Variants in ZNF532 observed in about 807,000 individuals in gnomAD.
The protein encoded by ZNF532 is zinc finger protein 532.
ZNF532 carries 22 observed loss-of-function variants against 89.3 expected under a neutral mutation model. The observed-to-expected ratio is 0.25, with a 90% CI of 0.18 to 0.35. The LOEUF (loss-of-function observed/expected upper bound fraction) is 0.35. ZNF532 is among the 10% of genes least tolerant of loss of function. The pLI, the probability that ZNF532 is intolerant of heterozygous loss-of-function variation, is 1.00. For missense variants in ZNF532, 1,132 were observed against 1,643.4 expected (o/e 0.69, Z 5.38); for synonymous variants, 606 against 649.6 (o/e 0.93, Z 1.02).
chr18:58,926,770 G>A (rs2061561663), intron 3 of ZNF532, among the ~76,000 whole-genome samples: 2 of 152,032 alleles, frequency 1.3e-5, no homozygotes, highest in South Asian at 2.1e-4. Context: ...TATATTTTTT[G>A]TGTATCCTTT....
intron 5 of ZNF532, among the ~76,000 whole-genome samples, chr18:58,943,745 G>A (rs190708329): frequency 6.6e-6 from 1 of 152,312 alleles, no homozygotes; most frequent in East Asian, 1.9e-4. Flanking sequence ...ATAGGTGTGA[G>A]CCACCATGCC....
intron 3 of ZNF532, among the ~76,000 whole-genome samples, chr18:58,922,640 C>G (rs968278185): frequency 6.6e-6 from 1 of 152,194 alleles, no homozygotes; most frequent in African/African-American, 2.4e-5. Flanking sequence ...TCTTTTCATC[C>G]TAACAGGATG....
chr18:58,879,377 A>T (rs1219364785), intron 2 of ZNF532, among the ~76,000 whole-genome samples: 1 of 152,196 alleles, frequency 6.6e-6, no homozygotes, highest in African/African-American at 2.4e-5. Context: ...TGGCGGCAAA[A>T]AGACAATGCA....
intron 2 of ZNF532, among the ~76,000 whole-genome samples, chr18:58,903,931 A>G (rs2145719720): frequency 6.6e-6 from 1 of 152,366 alleles, no homozygotes; most frequent in South Asian, 2.1e-4. Context: ...GATTTAAGAA[A>G]TTTAAGAAAA....
At chr18:58,877,062 G>GA (rs917058842) in intron 2 of ZNF532, among the ~76,000 whole-genome samples, 44 of 144,340 alleles carry the variant, frequency 3.0e-4, no homozygotes, top group East Asian at 8.0e-4. Flanking sequence ...CTTGTCTCGA[G>GA]AAAAAAAAAA....
rs1231272170 is a variant in ZNF532, at chr18:58,920,213, C to T, written c.1926C>T (p.Ile642=). Residue 642 remains isoleucine (I), a synonymous_variant, in exon 3 of 10, where the codon ATC becomes ATT. Coordinates refer to ENST00000591808, the MANE Select transcript of ZNF532 (RefSeq NM_001375912.1). ...TQHYDRRSVR[I]EVTCNHCTKN... is the part of the protein sequence containing the mutation. ...ACTACGACAGACGGAGCGTGCGCAT[C>T]GAAGTAACGTGCAACCATTGTACAA... 1.1e-5 allele frequency: 17 copies of T among 1,613,544 alleles called. No individual in the cohort carries two copies. The highest frequency in any genetic ancestry group is 1.0e-5 in the Non-Finnish European group (12 of 1,179,610).
chr18:58,916,876 T>A (rs868564632), intron 2 of ZNF532: 15 of 436,004 alleles, frequency 3.4e-5, no homozygotes, highest in Middle Eastern at 2.2e-3. Flanking sequence ...TTTTCTAGAT[T>A]GTACAAGAAA....
intron 6 of ZNF532, among the ~76,000 whole-genome samples, chr18:58,952,224 G>C (rs962447672): frequency 6.6e-6 from 1 of 152,172 alleles, no homozygotes; most frequent in Non-Finnish European, 1.5e-5. Context: ...AGGGGAACTC[G>C]GATGTGTGAA....
chr18:58,976,104 A>C (rs1282377723), intron 7 of ZNF532, among the ~76,000 whole-genome samples: 1 of 152,226 alleles, frequency 6.6e-6, no homozygotes, highest in Non-Finnish European at 1.5e-5. Flanking sequence ...AGAGGAAGAA[A>C]GTTGTCTGTT....
At chr18:58,931,492 A>G (rs1045560690) in intron 3 of ZNF532, among the ~76,000 whole-genome samples, 3 of 152,278 alleles carry the variant, frequency 2.0e-5, no homozygotes, top group South Asian at 2.1e-4. Flanking sequence ...CATGGGAAAC[A>G]GGGGATGACA....
intron 2 of ZNF532, among the ~76,000 whole-genome samples, chr18:58,885,092 G>A (rs528674146): frequency 6.6e-5 from 10 of 151,622 alleles, no homozygotes; most frequent in African/African-American, 1.7e-4. Flanking sequence ...GGGTTCAAGC[G>A]ATTCTCTTGC....
At chr18:58,863,395 GGCCGCGGGGCTTCGCGCTGCC>G (rs1423927901), upstream of ZNF532, 2 of 142,900 alleles carry the variant, frequency 1.4e-5, no homozygotes, top group East Asian at 4.3e-4. Flanking sequence ...GGCGCCCGCC[GGCCGCGGGGCTTCGCGCTGCC>G]GCCGCCCGGT....
intron 7 of ZNF532, among the ~76,000 whole-genome samples, chr18:58,967,873 AGTG>A (rs991243803): frequency 5.9e-5 from 9 of 152,116 alleles, no homozygotes; most frequent in African/African-American, 2.2e-4. Context: ...GCCGAAAGGG[AGTG>A]GTTCAGTGCA....
upstream of ZNF532, chr18:58,863,595 C>G (rs892566796): frequency 1.1e-4 from 1 of 9,150 alleles, no homozygotes; most frequent in African/African-American, 9.4e-4. Context: ...GCAGATGACA[C>G]GCCCGTAACA....
intron 2 of ZNF532, among the ~76,000 whole-genome samples, chr18:58,917,675 T>G (rs1302927169): frequency 1.6e-4 from 25 of 151,570 alleles, no homozygotes; most frequent in Non-Finnish European, 4.4e-5. Context: ...TAGGGTTAAA[T>G]AAAAATGGAC....
intron 7 of ZNF532, among the ~76,000 whole-genome samples, chr18:58,971,557 C>G (rs968099706): frequency 6.6e-6 from 1 of 152,126 alleles, no homozygotes; most frequent in Non-Finnish European, 1.5e-5. Flanking sequence ...GCAACAGAAA[C>G]CTTATGGTTT....
intron 2 of ZNF532, among the ~76,000 whole-genome samples, chr18:58,901,358 T>C (rs760465326): frequency 1.2e-4 from 18 of 152,220 alleles, no homozygotes; most frequent in Non-Finnish European, 2.2e-4. Context: ...AAAGTGGGAT[T>C]ACAGGCGTGA....
At chr18:58,882,959 T>G (rs1363656492) in intron 2 of ZNF532, among the ~76,000 whole-genome samples, 2 of 152,202 alleles carry the variant, frequency 1.3e-5, no homozygotes, top group Non-Finnish European at 2.9e-5. Flanking sequence ...ATCTAACATT[T>G]CTCAAATTCC....
At position 58,934,589 on chromosome 18, in the gene ZNF532, C is replaced by T. The variant is rs763662548; in HGVS notation, c.2503C>T (p.His835Tyr). Reference protein sequence around the residue: ...FQTHVTKNCLHYTRRVGFRCV... With the variant: ...FQTHVTKNCLYYTRRVGFRCV... ...GACCCACGTCACCAAGAACTGTCTG[C>T]ACTACACGAGGAGAGTTGGTTTTCG... The change falls in exon 4 of 10, where the codon CAC becomes TAC. Residue 835 changes from histidine to tyrosine, a missense_variant. His to Tyr is a moderately conservative substitution (Grantham distance 83). Transcript: ENST00000591808. The T allele has an allele frequency of 1.2e-6, 2 of 1,614,000 alleles. No homozygotes were observed. The highest frequency in any genetic ancestry group is 1.7e-6 in the Non-Finnish European group (2 of 1,179,950).
Sources: gnomAD v4.1 joint callset for allele counts (sites outside exome capture counted in the v4.1 genomes callset) on GRCh38, gnomAD v4.1.1 for gene constraint, MANE v1.5 for transcripts, NCBI Gene and HGNC (gene_info 2026-07-23, HGNC 2026-07-21) for gene names.